The following FCSK variants were observed in gnomAD, a reference collection of about 807,000 sequenced individuals.
The protein encoded by FCSK is L-fucose kinase.
Under a neutral mutation model 122.5 loss-of-function variants are expected in FCSK, and 123 were observed. The observed-to-expected ratio is 1.00, with a 90% CI of 0.87 to 1.17. FCSK has a LOEUF of 1.17. Among genes scored for constraint, FCSK ranks in the 50% most tolerant of loss-of-function variants. The probability of loss-of-function intolerance (pLI) is 0.00; values close to 1 mark genes in which losing one functional copy is unlikely to be tolerated. For synonymous variants in FCSK, 620 were observed against 625.5 expected, an observed-to-expected ratio of 0.99 and a Z score of 0.13; for missense variants, 1,366 against 1,450.4, an observed-to-expected ratio of 0.94 and a Z score of 0.95.
chr16:70,478,133 A>T, intron 20 of FCSK, 139 bp from the exon 21 acceptor site: 8 of 745,722 alleles, frequency 1.1e-5, no homozygotes, highest in Non-Finnish European at 1.7e-5. Context: ...CAGAAGCTGC[A>T]TAGCTCACTG....
At chr16:70,460,856 C>A (rs2048244049) in intron 1 of FCSK, among the ~76,000 whole-genome samples, 1 of 152,228 alleles carries the variant, frequency 6.6e-6, no homozygotes, top group African/African-American at 2.4e-5. Context: ...CAGATCGTAG[C>A]AGCTGGGGGC....
At chr16:70,469,939 G>A (rs1213768234) in intron 10 of FCSK, among the ~76,000 whole-genome samples, 3 of 152,018 alleles carry the variant, frequency 2.0e-5, no homozygotes, top group African/African-American at 4.8e-5. Context: ...CTGCGTCTCA[G>A]GTTCAAGCGA....
At chr16:70,463,048 A>G in intron 1 of FCSK, 121 bp from the exon 2 acceptor site, 2 of 587,108 alleles carry the variant, frequency 3.4e-6, no homozygotes, top group Admixed American at 3.0e-5. Flanking sequence ...TTTTGAGTGT[A>G]GATGGTGATA....
chr16:70,473,056 C>T lies in FCSK; in HGVS notation c.1480C>T (p.Leu494Phe). 1 of 1,589,320 alleles carries T rather than the reference C, an allele frequency of 6.3e-7. No individual in the cohort carries two copies. The highest frequency in any genetic ancestry group is 8.6e-7 in the Non-Finnish European group (1 of 1,168,748). The change falls in exon 15 of 24, where the codon CTC (leucine) becomes TTC (phenylalanine). Residue 494 changes from leucine (L) to phenylalanine (F), a missense_variant. Physicochemically the swap from Leu to Phe is conservative, Grantham distance 22 (BLOSUM62 0). Coordinates refer to ENST00000288078, the MANE Select transcript of FCSK (RefSeq NM_145059.3). The surrounding 1 kb of genome is among the most constrained non-coding windows in gnomAD (Gnocchi z 4.9). ...TCCCAGCGCCCGCCTCTTTCCTGTG[C>T]TCCACCCCTCGAGGGAGCTGGGACC... ...CLPSARLFPV[L>F]HPSRELGPQD...
chr16:70,462,584 C>T (rs2048299928), intron 1 of FCSK, among the ~76,000 whole-genome samples: 2 of 151,960 alleles, frequency 1.3e-5, no homozygotes, highest in South Asian at 2.1e-4. Flanking sequence ...CCTCGGCCTC[C>T]CAAAGTGCTG....
At chr16:70,468,110 G>A in intron 8 of FCSK, 144 bp downstream of exon 8, 2 of 687,848 alleles carry the variant, frequency 2.9e-6, no homozygotes, top group Non-Finnish European at 5.0e-6. Flanking sequence ...GGAATTCAGG[G>A]TCTTGTCCTG....
chr16:70,470,258 C>A, intron 10 of FCSK, 56 bp from the exon 11 acceptor site: 1 of 1,235,916 alleles, frequency 8.1e-7, no homozygotes, highest in Non-Finnish European at 1.2e-6. Context: ...GGGAGGCAGC[C>A]TGGCCCCTGA....
At chr16:70,464,720 A>T (rs2048364881) in intron 3 of FCSK, among the ~76,000 whole-genome samples, 4 of 148,640 alleles carry the variant, frequency 2.7e-5, no homozygotes, top group African/African-American at 1.0e-4. Flanking sequence ...AAAAAAAAAA[A>T]TTTAAGAGGT....
intron 3 of FCSK, among the ~76,000 whole-genome samples, chr16:70,464,646 G>A (rs1294243480): frequency 1.5e-5 from 2 of 134,446 alleles, no homozygotes; most frequent in East Asian, 3.9e-4. Context: ...ATTGCAGTGA[G>A]CTGAGATCAT....
At chr16:70,471,817 T>C (rs1244242588) in intron 13 of FCSK, among the ~76,000 whole-genome samples, 1 of 149,664 alleles carries the variant, frequency 6.7e-6, no homozygotes, top group South Asian at 2.1e-4. Context: ...TTGTTGTTTT[T>C]TTTTTTTTTT....
intron 15 of FCSK, 55 bp from the exon 16 acceptor site, chr16:70,474,074 G>A: frequency 2.7e-6 from 4 of 1,504,322 alleles, no homozygotes; most frequent in Non-Finnish European, 3.6e-6. Flanking sequence ...TCTCGTGAAA[G>A]AGGATTTTGA....
chr16:70,454,681 C>G (rs549710033), intron 1 of FCSK, 51 bp downstream of exon 1: 1 of 152,168 alleles, frequency 6.6e-6, no homozygotes, highest in Non-Finnish European at 1.5e-5. Context: ...CCCTTGCGCC[C>G]CTTGCGCCCC....
chr16:70,468,284 G>A (rs1445250140), intron 8 of FCSK, among the ~76,000 whole-genome samples: 1 of 152,180 alleles, frequency 6.6e-6, no homozygotes, highest in Non-Finnish European at 1.5e-5. Context: ...GCTGAGCATG[G>A]TGGTGTGTGC....
intron 10 of FCSK, among the ~76,000 whole-genome samples, chr16:70,470,087 C>T (rs1003470960): frequency 3.9e-4 from 60 of 152,282 alleles, no homozygotes; most frequent in Non-Finnish European, 7.4e-4. Flanking sequence ...TCGTGATCTG[C>T]CTGCCTCGGC....
chr16:70,463,045 T>C (rs1196602791), intron 1 of FCSK, 124 bp from the exon 2 acceptor site: 4 of 569,982 alleles, frequency 7.0e-6, no homozygotes, highest in Non-Finnish European at 1.2e-5. Context: ...TTTTTTTGAG[T>C]GTAGATGGTG....
At chr16:70,471,804 G>A (rs988730730) in intron 13 of FCSK, among the ~76,000 whole-genome samples, 7 of 147,464 alleles carry the variant, frequency 4.7e-5, no homozygotes, top group Admixed American at 1.3e-4. Context: ...TGGTTGGGTG[G>A]GGTTGTTGTT....
Position 70,466,277 on chromosome 16 carries a change from C to A in FCSK, c.411+20C>A, listed in dbSNP as rs760093575. The A allele has an allele frequency of 1.9e-6, 3 of 1,613,342 alleles. No individual in the cohort carries two copies. The Admixed American group carries it at 5.0e-5, about 27-fold the overall frequency. On this transcript the variant is annotated intron_variant, in intron 5 of 23. Transcript: ENST00000288078. Reference sequence around the variant, plus strand: ...TATCGGGTGAGGCTGGGTGGTGGCCCGTGGTGCCTCGTCCCAGATAGAGCC... The same window carrying A: ...TATCGGGTGAGGCTGGGTGGTGGCCAGTGGTGCCTCGTCCCAGATAGAGCC...
At chr16:70,478,726 A>T in intron 22 of FCSK, 76 bp downstream of exon 22, 1 of 1,214,102 alleles carries the variant, frequency 8.2e-7, no homozygotes, top group Non-Finnish European at 1.2e-6. Flanking sequence ...GGCCAGGGTC[A>T]TCTGCAGGCT....
intron 5 of FCSK, chr16:70,466,629 T>G (rs2048426273): frequency 2.3e-5 from 12 of 532,196 alleles, no homozygotes; most frequent in Middle Eastern, 5.1e-4. Context: ...CCCAGGAGTT[T>G]GAGGCTGCAG....
Sources: gnomAD v4.1 joint callset for allele counts (sites outside exome capture counted in the v4.1 genomes callset) on GRCh38, gnomAD v4.1.1 for gene constraint, Gnocchi (gnomAD v3.1) non-coding constraint, MANE v1.5 for transcripts, NCBI Gene and HGNC (gene_info 2026-07-23, HGNC 2026-07-21) for gene names.